PTPRN2: variants seen among roughly 807,000 people sequenced by gnomAD.
The protein encoded by PTPRN2 is receptor-type tyrosine-protein phosphatase N2.
A neutral mutation model predicts 118.8 loss-of-function variants in PTPRN2; 74 were observed. That is an observed-to-expected ratio of 0.62 (90% CI 0.52 to 0.76). The LOEUF (loss-of-function observed/expected upper bound fraction) is 0.76, where lower values mean the gene tolerates loss of function less well. Among genes scored for constraint, PTPRN2 ranks in the 30% least tolerant of loss-of-function variants. The probability of loss-of-function intolerance (pLI) is 0.00; values close to 1 mark genes in which losing one functional copy is unlikely to be tolerated. For missense variants in PTPRN2, 1,481 were observed against 1,394.4 expected (o/e 1.06, Z -0.99); for synonymous variants, 641 against 608.0 (o/e 1.05, Z -0.80).
At chr7:157,709,914 G>A (rs748635110) in intron 12 of PTPRN2, among the ~76,000 whole-genome samples, 8 of 152,244 alleles carry the variant, frequency 5.3e-5, no homozygotes, top group Non-Finnish European at 8.8e-5. Context: ...TGGGGGAGCA[G>A]TGGTTCCTTA....
chr7:158,070,955 G>GAT lies in PTPRN2; in HGVS notation c.1723+10342_1723+10343insAT, dbSNP rs1563388594. 8.3e-5 allele frequency among the ~76,000 whole-genome samples: 10 copies of GAT among 120,078 alleles called. 1 individual carries two copies. Among genetic ancestry groups the GAT allele is most frequent in the Non-Finnish European group, 1.7e-5 (1 of 57,848 alleles). The allele number at this position is 120,078 out of a possible 152,430, so 78.8% of individuals were successfully genotyped here. ...TCCTGGTGGTGGAGGTGCCCGTGGTGGTGGAGGTGCTCACGGTGGAGGTGC... is the reference window on the plus strand; with the variant it reads ...TCCTGGTGGTGGAGGTGCCCGTGGTGATGTGGAGGTGCTCACGGTGGAGGTGC... On this transcript the variant is annotated intron_variant, in intron 11 of 22. Coordinates refer to ENST00000389418, the MANE Select transcript of PTPRN2 (RefSeq NM_002847.5).
At chr7:158,210,159 G>A (rs1345559411) in intron 3 of PTPRN2, among the ~76,000 whole-genome samples, 75 of 122,726 alleles carry the variant, frequency 6.1e-4, no homozygotes, top group African/African-American at 1.9e-3. Context: ...TTTTTGAGAC[G>A]GAGTCTCGCT....
intron 3 of PTPRN2, among the ~76,000 whole-genome samples, chr7:158,297,621 G>GAAATATGGACTTAGTAAA: frequency 6.6e-6 from 1 of 152,190 alleles, no homozygotes; most frequent in Non-Finnish European, 1.5e-5. Flanking sequence ...AGGTCCCAAA[G>GAAATATGGACTTAGTAAA]AAATATGGAC....
chr7:158,087,958 CTT>C lies in PTPRN2; in HGVS notation c.1644-6583_1644-6582del, dbSNP rs1813623372. On this transcript the variant is annotated intron_variant, in intron 10 of 22. Coordinates refer to ENST00000389418, the MANE Select transcript of PTPRN2 (RefSeq NM_002847.5). ...TGAAAGAGGGAGTCTTCACACAAAC[CTT>C]CTTCCCCTGATGAAAGAGGGAGTCT... 4.5e-5 allele frequency among the ~76,000 whole-genome samples: 5 copies of C among 111,770 alleles called. 1 individual carries two copies. The highest frequency in any genetic ancestry group is 3.0e-4 in the Admixed American group (3 of 10,118). The allele number at this position is 111,770 out of a possible 152,430, so 73.3% of individuals were successfully genotyped here.
At chr7:157,678,915 AAGG>A (rs1198111809) in intron 13 of PTPRN2, among the ~76,000 whole-genome samples, 10 of 152,268 alleles carry the variant, frequency 6.6e-5, no homozygotes, top group Non-Finnish European at 1.5e-5. Context: ...TCCGAGAGAA[AAGG>A]AGGAGAATGT....
chr7:158,370,735 G>A (rs1194213462), intron 2 of PTPRN2, among the ~76,000 whole-genome samples: 3 of 152,092 alleles, frequency 2.0e-5, no homozygotes, highest in African/African-American at 7.2e-5. Context: ...CTGGGTGACA[G>A]AGCGAGACTC....
chr7:158,131,832 C>G (rs1563481062), intron 9 of PTPRN2, among the ~76,000 whole-genome samples: 2 of 149,882 alleles, frequency 1.3e-5, no homozygotes, highest in African/African-American at 4.9e-5. Flanking sequence ...ATACACACAT[C>G]TACCCAACAC....
chr7:158,177,820 T>C (rs1213883765), intron 5 of PTPRN2, among the ~76,000 whole-genome samples: 1 of 152,240 alleles, frequency 6.6e-6, no homozygotes, highest in African/African-American at 2.4e-5. Flanking sequence ...CTATGAAAGC[T>C]ACCATGAAGA....
chr7:158,108,840 G>A (rs935888497), intron 10 of PTPRN2, among the ~76,000 whole-genome samples: 5 of 152,268 alleles, frequency 3.3e-5, no homozygotes, highest in African/African-American at 1.2e-4. Flanking sequence ...AGCTCCTGGT[G>A]CGAGGCCAGG....
intron 3 of PTPRN2, among the ~76,000 whole-genome samples, chr7:158,225,653 G>A (rs1828712351): frequency 1.3e-5 from 2 of 152,160 alleles, no homozygotes; most frequent in Admixed American, 1.3e-4. Context: ...ATATAATAAA[G>A]TTATGAGCAA....
At chr7:157,968,662 C>T (rs1343920273) in intron 11 of PTPRN2, among the ~76,000 whole-genome samples, 1 of 152,168 alleles carries the variant, frequency 6.6e-6, no homozygotes, top group East Asian at 1.9e-4. Flanking sequence ...CAGGGTCATC[C>T]TTGCAGATGA....
At chr7:158,047,624 A>G (rs1433142282) in intron 11 of PTPRN2, among the ~76,000 whole-genome samples, 1 of 152,158 alleles carries the variant, frequency 6.6e-6, no homozygotes, top group East Asian at 1.9e-4. Flanking sequence ...TGAGCATGTG[A>G]GGGCTGCCTG....
chr7:158,509,937 TG>T lies in PTPRN2; in HGVS notation c.113-20153del, dbSNP rs546149285. On this transcript the variant is annotated intron_variant, in intron 1 of 22. Coordinates refer to ENST00000389418, the MANE Select transcript of PTPRN2 (RefSeq NM_002847.5). This position sits in a 1 kb window ranked among gnomAD's most constrained non-coding sequence, Gnocchi z 4.4. ...CAAATGTACACTTGAGGCCAGGCTA[TG>T]AGGGGAGCACGAAGATAGAGGACGA... Among the ~76,000 whole-genome samples, 1,390 of 152,252 alleles carry T rather than the reference TG, an allele frequency of 9.1e-3. 24 individuals are homozygous for T. Among genetic ancestry groups the T allele is most frequent in the African/African-American group, 0.031 (1,278 of 41,542 alleles).
At chr7:158,123,638 C>T (rs914204102) in intron 9 of PTPRN2, among the ~76,000 whole-genome samples, 3 of 152,188 alleles carry the variant, frequency 2.0e-5, no homozygotes, top group African/African-American at 7.2e-5. Context: ...CTCTTCCAGG[C>T]AGAAAATCAA....
At chr7:158,345,193 C>T (rs58336991) in intron 2 of PTPRN2, among the ~76,000 whole-genome samples, 34 of 152,272 alleles carry the variant, frequency 2.2e-4, no homozygotes, top group African/African-American at 7.9e-4. Context: ...ATAAACACCC[C>T]TCCCAGCAGA....
intron 2 of PTPRN2, among the ~76,000 whole-genome samples, chr7:158,483,034 A>G (rs1055689888): frequency 6.6e-6 from 1 of 152,230 alleles, no homozygotes; most frequent in Non-Finnish European, 1.5e-5. Context: ...AGAAGACTCC[A>G]GACAGGCCTT....
chr7:158,393,428 C>T (rs1032610720), intron 2 of PTPRN2, among the ~76,000 whole-genome samples: 1 of 152,158 alleles, frequency 6.6e-6, no homozygotes, highest in Non-Finnish European at 1.5e-5. Flanking sequence ...AGGACGACCC[C>T]GGGCAACTTC....
intron 1 of PTPRN2, among the ~76,000 whole-genome samples, chr7:158,499,953 A>G (rs935304626): frequency 6.6e-6 from 1 of 151,730 alleles, no homozygotes; most frequent in Non-Finnish European, 1.5e-5. Context: ...GTATATTTAA[A>G]TATACATTGT....
At chr7:157,654,466 C>T (rs909367728) in intron 14 of PTPRN2, among the ~76,000 whole-genome samples, 20 of 152,202 alleles carry the variant, frequency 1.3e-4, no homozygotes, top group African/African-American at 3.9e-4. Flanking sequence ...ACAATCTGTA[C>T]GCACAGAGTC....
Sources: allele counts gnomAD v4.1 joint callset (sites outside exome capture counted in the v4.1 genomes callset), GRCh38; gene constraint gnomAD v4.1.1; non-coding constraint Gnocchi (gnomAD v3.1); transcripts MANE v1.5; gene names NCBI Gene and HGNC (gene_info 2026-07-23, HGNC 2026-07-21).